The following BICD2 variants were observed in gnomAD, a reference collection of about 807,000 sequenced individuals.
The protein encoded by BICD2 is protein bicaudal D homolog 2.
A neutral mutation model predicts 72.9 loss-of-function variants in BICD2; 25 were observed. The observed-to-expected ratio is 0.34, with a 90% CI of 0.25 to 0.48. The LOEUF is 0.48. BICD2 is among the 20% of genes least tolerant of loss of function. The pLI is 0.99. For synonymous variants in BICD2, 501 were observed against 516.1 expected (o/e 0.97, Z 0.40); for missense variants, 894 against 1,175.2 (o/e 0.76, Z 3.50).
At chr9:92,736,260 G>C (rs1198512095) in intron 1 of BICD2, among the ~76,000 whole-genome samples, 3 of 152,212 alleles carry the variant, frequency 2.0e-5, no homozygotes, top group African/African-American at 7.2e-5. Context: ...AAGATGGCAA[G>C]GAGAGTGATC....
chr9:92,743,384 T>TG (rs1477786191), intron 1 of BICD2, among the ~76,000 whole-genome samples: 4 of 136,716 alleles, frequency 2.9e-5, no homozygotes, highest in South Asian at 2.6e-4. Flanking sequence ...TTTTAAGAGA[T>TG]GGGGTCTCAC....
rs1853199531 is a variant in BICD2 at position 92,711,786 on chromosome 9, G to A, written c.*3368C>T. On this transcript the variant is annotated 3_prime_UTR_variant, in exon 7 of 7. Coordinates refer to ENST00000356884, the MANE Select transcript of BICD2 (RefSeq NM_001003800.2). ...TAAAAATAGGAGTCCCTACAACTAG[G>A]AATAAGAAATGCTTATTCCAGGAAA... 6.6e-6 allele frequency: 1 copy of A among 152,504 alleles called. No individual in the cohort carries two copies. The highest frequency in any genetic ancestry group is 6.5e-5 in the Admixed American group (1 of 15,272). The allele number at this position is 152,504 out of a possible 1,614,324, so 9.4% of individuals were successfully genotyped here.
chr9:92,721,907 A>T (rs1853471486), intron 3 of BICD2, among the ~76,000 whole-genome samples: 4 of 152,244 alleles, frequency 2.6e-5, no homozygotes, highest in Admixed American at 2.6e-4. Context: ...GCATAAACAC[A>T]TGAGCTTCCT....
chr9:92,762,891 G>A (rs911561205), intron 1 of BICD2, among the ~76,000 whole-genome samples: 1 of 152,156 alleles, frequency 6.6e-6, no homozygotes, highest in African/African-American at 2.4e-5. Flanking sequence ...CTGCCTGCTG[G>A]AGAGGGTGAG....
At chr9:92,717,721 G>A in intron 6 of BICD2, 76 bp downstream of exon 6, 2 of 1,487,404 alleles carry the variant, frequency 1.3e-6, no homozygotes, top group Non-Finnish European at 1.8e-6. Context: ...GGCAGTGAGA[G>A]GCTAAGGGTT....
chr9:92,726,488 G>T (rs982941763), intron 2 of BICD2, among the ~76,000 whole-genome samples: 1 of 152,170 alleles, frequency 6.6e-6, no homozygotes, highest in African/African-American at 2.4e-5. Context: ...CACGCTGGGG[G>T]TGGGCACAGA....
Position 92,718,850 on chromosome 9 carries a change from C to A in BICD2, c.1795G>T (p.Asp599Tyr). The A allele has an allele frequency of 1.2e-6, 2 of 1,602,608 alleles. No individual in the cohort carries two copies. Among genetic ancestry groups the A allele is most frequent in the Non-Finnish European group, 1.7e-6 (2 of 1,175,538 alleles). The change falls in exon 5 of 7, where the codon GAT becomes TAT. Residue 599 changes from aspartate (D) to tyrosine (Y), a missense_variant. By Grantham distance (160) the Asp-to-Tyr change is radical (BLOSUM62 -3). Transcript: ENST00000356884. ...GGGCTGCTGTCCCCCGTCCCACCAT[C>A]TGCTCGGCCCGCCTCAGGAGCCAGC... ...GLLAPEAGRADGGTGDSSPSP... is the reference protein window; with the variant it reads ...GLLAPEAGRAYGGTGDSSPSP...
chr9:92,753,876 C>T (rs1277555757), intron 1 of BICD2, among the ~76,000 whole-genome samples: 1 of 151,696 alleles, frequency 6.6e-6, no homozygotes, highest in Non-Finnish European at 1.5e-5. Flanking sequence ...GGCTTAAAGA[C>T]ACATAAGTCT....
chr9:92,760,464 G>A (rs1587693848), intron 1 of BICD2, among the ~76,000 whole-genome samples: 1 of 152,282 alleles, frequency 6.6e-6, no homozygotes, highest in East Asian at 1.9e-4. Context: ...GTGCCCAGTC[G>A]CCAGGCCCTA....
intron 1 of BICD2, among the ~76,000 whole-genome samples, chr9:92,754,548 G>A (rs1854217243): frequency 6.6e-6 from 1 of 152,208 alleles, no homozygotes; most frequent in African/African-American, 2.4e-5. Flanking sequence ...ACAGGGAAGT[G>A]CAACTTAAAC....
In BICD2 at chr9:92,764,394, C is replaced by T; in HGVS notation, c.240+111G>A. The T allele has an allele frequency of 1.5e-6, 2 of 1,344,442 alleles. No homozygotes were observed. The highest frequency in any genetic ancestry group is 3.1e-5 in the East Asian group (1 of 32,020). The allele number at this position is 1,344,442 out of a possible 1,614,324, so 83.3% of individuals were successfully genotyped here. On this transcript the variant is annotated intron_variant, in intron 1 of 6. Transcript: ENST00000356884. The surrounding 1 kb of genome is among the most constrained non-coding windows in gnomAD (Gnocchi z 5.5). ...GTGCCCCCTCCGCCCCGGCGGCCCA[C>T]CCCTGCCGGCCCCCGCTTGGCAAGC...
chr9:92,718,226 T>C (rs1853363624), intron 5 of BICD2, among the ~76,000 whole-genome samples: 1 of 152,208 alleles, frequency 6.6e-6, no homozygotes, highest in Non-Finnish European at 1.5e-5. Flanking sequence ...CAGCTCAGAC[T>C]ATGGCTCTCA....
intron 1 of BICD2, among the ~76,000 whole-genome samples, chr9:92,761,981 C>A (rs1854381704): frequency 6.6e-6 from 1 of 152,206 alleles, no homozygotes; most frequent in Non-Finnish European, 1.5e-5. Context: ...GTCTCCCATT[C>A]ATCACCACAA....
chr9:92,729,495 G>A (rs1368987202), intron 1 of BICD2, among the ~76,000 whole-genome samples: 2 of 152,234 alleles, frequency 1.3e-5, no homozygotes, highest in Non-Finnish European at 2.9e-5. Context: ...GAGGAACAGT[G>A]TCTGCACTGG....
chr9:92,757,128 A>C (rs1854275518), intron 1 of BICD2, among the ~76,000 whole-genome samples: 1 of 152,020 alleles, frequency 6.6e-6, no homozygotes, highest in South Asian at 2.1e-4. Context: ...AGCCCGGGCA[A>C]CATGGTGAAA....
intron 1 of BICD2, among the ~76,000 whole-genome samples, chr9:92,744,902 T>C (rs959044176): frequency 2.0e-5 from 3 of 152,032 alleles, no homozygotes; most frequent in African/African-American, 7.2e-5. Context: ...AGGGATGACA[T>C]ATTTGCCAAC....
chr9:92,733,422 C>T (rs1853714966), intron 1 of BICD2, among the ~76,000 whole-genome samples: 1 of 151,582 alleles, frequency 6.6e-6, no homozygotes, highest in African/African-American at 2.4e-5. Context: ...CCTGTAATCC[C>T]AGCTTCTTGG....
intron 4 of BICD2, among the ~76,000 whole-genome samples, chr9:92,719,912 T>C (rs1354672902): frequency 2.0e-5 from 3 of 152,208 alleles, no homozygotes; most frequent in Non-Finnish European, 2.9e-5. Flanking sequence ...ATTAGCACCC[T>C]AGCCCTCTGC....
At chr9:92,726,205 C>T (rs971245833) in intron 2 of BICD2, among the ~76,000 whole-genome samples, 2 of 152,194 alleles carry the variant, frequency 1.3e-5, no homozygotes, top group African/African-American at 4.8e-5. Flanking sequence ...GACGAGATAC[C>T]AGTAGGGTCA....
Sources: allele counts gnomAD v4.1 joint callset (sites outside exome capture counted in the v4.1 genomes callset), GRCh38; gene constraint gnomAD v4.1.1; non-coding constraint Gnocchi (gnomAD v3.1); transcripts MANE v1.5; gene names NCBI Gene and HGNC (gene_info 2026-07-23, HGNC 2026-07-21).